The following NHP2 variants were observed in gnomAD, a reference collection of about 807,000 sequenced individuals.
NHP2 encodes the protein H/ACA ribonucleoprotein complex subunit 2.
Under a neutral mutation model 16.7 loss-of-function variants are expected in NHP2, and 10 were observed. The observed-to-expected ratio is 0.60, with a 90% CI of 0.37 to 1.01. The LOEUF is 1.01. Ranked by LOEUF, NHP2 falls within the 50% of genes least tolerant of loss-of-function variation. The pLI is 0.01. For synonymous variants in NHP2, 87 were observed against 78.9 expected (o/e 1.10, Z -0.54); for missense variants, 184 against 198.3 (o/e 0.93, Z 0.43).
intron 3 of NHP2, chr5:178,150,442 A>G: frequency 2.9e-6 from 1 of 346,786 alleles, no homozygotes; most frequent in Admixed American, 3.9e-5. Context: ...GTGGTGGTGT[A>G]TGATCATGGC....
At chr5:178,153,379 C>G in intron 2 of NHP2, 112 bp downstream of exon 2, 1 of 1,074,020 alleles carries the variant, frequency 9.3e-7, no homozygotes, top group East Asian at 2.4e-5. Context: ...GCTTGATTGG[C>G]TTCTGTATAT....
At position 178,153,576 on chromosome 5, in the gene NHP2, A is replaced by C. The variant is rs1263775896; in HGVS notation, c.161-16T>G. On this transcript the variant is annotated splice_polypyrimidine_tract_variant and intron_variant, in intron 1 of 3. Coordinates refer to ENST00000274606, the MANE Select transcript of NHP2 (RefSeq NM_017838.4). Reference sequence around the variant, plus strand: ...TGCTTCACCGCTGCAACGACAGAAGAGTCGGTCGGGGGCCTCGCTCAGCCA... The same window carrying C: ...TGCTTCACCGCTGCAACGACAGAAGCGTCGGTCGGGGGCCTCGCTCAGCCA... 6.2e-7 allele frequency: 1 copy of C among 1,613,736 alleles called. No individual in the cohort carries two copies. Among genetic ancestry groups the C allele is most frequent in the Admixed American group, 1.7e-5 (1 of 60,028 alleles).
At chr5:178,153,623 CG>C in intron 1 of NHP2, 34 bp downstream of exon 1, 1 of 1,613,864 alleles carries the variant, frequency 6.2e-7, no homozygotes, top group South Asian at 1.1e-5. Context: ...ATCCCACCCG[CG>C]CACCCATCCC....
chr5:178,149,810 C>G lies in NHP2; in HGVS notation c.365G>C (p.Arg122Pro), dbSNP rs1383213989. ...TDLGAAAGSK[R>P]PTCVIMVKPH... is the part of the protein sequence containing the mutation. ...CTTGACCATTATCACACAGGTGGGGCGCTTGGAGCCTGCGGCTGCACCCAG... is the reference window on the plus strand; with the variant it reads ...CTTGACCATTATCACACAGGTGGGGGGCTTGGAGCCTGCGGCTGCACCCAG... The change falls in exon 4 of 4, where the codon CGC (arginine) becomes CCC (proline). Residue 122 changes from arginine (R) to proline (P), a missense_variant. Coordinates refer to ENST00000274606, the MANE Select transcript of NHP2 (RefSeq NM_017838.4). The G allele has an allele frequency of 6.2e-7, 1 of 1,613,668 alleles. No homozygotes were observed. The highest frequency in any genetic ancestry group is 1.3e-5 in the African/African-American group (1 of 74,920).
At chr5:178,150,538 C>A in intron 3 of NHP2, 1 of 383,364 alleles carries the variant, frequency 2.6e-6, no homozygotes, top group East Asian at 6.6e-5. Context: ...TGCCACCACA[C>A]CCAGCTAATT....
At chr5:178,150,120 C>T (rs1756228846) in intron 3 of NHP2, 2 of 352,710 alleles carry the variant, frequency 5.7e-6, no homozygotes, top group Non-Finnish European at 5.3e-6. Flanking sequence ...CTTCCTGTGC[C>T]TCAGATCTGG....
In NHP2 at chr5:178,153,483, G is replaced by C. The variant is rs764940566; in HGVS notation, c.230+8C>G. On this transcript the variant is annotated splice_region_variant and intron_variant, in intron 2 of 3. Coordinates refer to ENST00000274606, the MANE Select transcript of NHP2 (RefSeq NM_017838.4). Reference sequence around the variant, plus strand: ...AAATGCAAAATCCAGAGGAAGGAAGGTTCTTACCCTTTTTCTCCTTTGTTG... The same window carrying C: ...AAATGCAAAATCCAGAGGAAGGAAGCTTCTTACCCTTTTTCTCCTTTGTTG... 6.2e-7 allele frequency: 1 copy of C among 1,613,840 alleles called. No individual in the cohort carries two copies. Among genetic ancestry groups the C allele is most frequent in the Non-Finnish European group, 8.5e-7 (1 of 1,179,856 alleles).
chr5:178,149,947 T>G, intron 3 of NHP2, 109 bp from the exon 4 acceptor site: 3 of 1,215,690 alleles, frequency 2.5e-6, no homozygotes, highest in Non-Finnish European at 3.5e-6. Flanking sequence ...CCATGTTCTG[T>G]TCGGTCCATG....
At chr5:178,150,438 G>C (rs920327729) in intron 3 of NHP2, 15 of 348,234 alleles carry the variant, frequency 4.3e-5, no homozygotes, top group Non-Finnish European at 6.8e-5. Context: ...GAGTGTGGTG[G>C]TGTATGATCA....
rs58184119 is a variant in NHP2 at position 178,150,483 on chromosome 5, T to A, written c.336+405A>T. 3,412 of 358,914 alleles carry A rather than the reference T, an allele frequency of 9.5e-3. 122 individuals are homozygous for A. The highest frequency in any genetic ancestry group is 0.065 in the African/African-American group (3,059 of 46,946). The allele number at this position is 358,914 out of a possible 1,614,324, so 22.2% of individuals were successfully genotyped here. ...GCAGCCTTGAACTCCTGGGTTCAAG[T>A]GATCTCCTGCTTTAGCCTCCCAAGT... On this transcript the variant is annotated intron_variant, in intron 3 of 3. Transcript: ENST00000274606.
chr5:178,150,390 T>G (rs1304254238), intron 3 of NHP2: 1 of 267,530 alleles, frequency 3.7e-6, no homozygotes, highest in Non-Finnish European at 7.4e-6. Flanking sequence ...CTCTATTTTT[T>G]TTTTTTGAGA....
In NHP2 at chr5:178,153,647, G is replaced by GTCCGCCTCACCTTT. The variant is rs1756330921; in HGVS notation, c.157_160+10dup. Reference sequence around the variant, plus strand: ...GCGCACCCATCCCGGCCACGCCGCCGTCCGCCTCACCTTTCTTGATGCATT... The same window carrying GTCCGCCTCACCTTT: ...GCGCACCCATCCCGGCCACGCCGCCGTCCGCCTCACCTTTTCCGCCTCACCTTTCTTGATGCATT... On this transcript the variant is annotated intron_variant, in intron 1 of 3. Coordinates refer to ENST00000274606, the MANE Select transcript of NHP2 (RefSeq NM_017838.4). The GTCCGCCTCACCTTT allele has an allele frequency of 6.2e-7, 1 of 1,613,058 alleles. No homozygotes were observed. The highest frequency in any genetic ancestry group is 1.7e-5 in the Admixed American group (1 of 59,928).
intron 3 of NHP2, chr5:178,150,402 A>G: frequency 3.9e-6 from 1 of 255,150 alleles, no homozygotes; most frequent in Non-Finnish European, 7.8e-6. Context: ...TTTTTGAGAC[A>G]GGGCCTCACT....
At chr5:178,151,151 A>C (rs1323196322) in intron 2 of NHP2, among the ~76,000 whole-genome samples, 158 bp from the exon 3 acceptor site, 1 of 152,174 alleles carries the variant, frequency 6.6e-6, no homozygotes, top group Non-Finnish European at 1.5e-5. Context: ...TACAGGTGCC[A>C]CCAAAGTGAT....
chr5:178,150,733 C>T (rs749000936), intron 3 of NHP2, 155 bp downstream of exon 3: 5 of 768,486 alleles, frequency 6.5e-6, no homozygotes, highest in South Asian at 4.1e-5. Context: ...AGTAACATAT[C>T]TGTAGTCCCA....
rs1470375261 is a variant in NHP2, at chr5:178,153,772, C to T, written c.46G>A (p.Glu16Lys). Residue 16 changes from glutamate (E) to lysine (K), a missense_variant, in exon 1 of 4, where the codon GAG becomes AAG. Transcript: ENST00000274606. ...ADPDGPEAQA[E>K]ACSGERTYQE... Reference sequence around the variant, plus strand: ...TAGGTGCGCTCCCCGGAACACGCCTCCGCCTGAGCCTCGGGCCCGTCGGGA... The same window carrying T: ...TAGGTGCGCTCCCCGGAACACGCCTTCGCCTGAGCCTCGGGCCCGTCGGGA... 2 of 1,612,748 alleles carry T rather than the reference C, an allele frequency of 1.2e-6. No homozygotes were observed. The highest frequency in any genetic ancestry group is 3.3e-5 in the Admixed American group (2 of 59,844).
chr5:178,149,984 T>C (rs1429056549), intron 3 of NHP2, 146 bp from the exon 4 acceptor site: 14 of 846,062 alleles, frequency 1.7e-5, no homozygotes, highest in Admixed American at 2.9e-5. Context: ...CTTGAATTGG[T>C]TGCCATCATT....
At position 178,153,556 on chromosome 5, in the gene NHP2, C is replaced by T; in HGVS notation, c.165G>A (p.Val55=). The T allele has an allele frequency of 1.9e-6, 3 of 1,614,236 alleles. No individual in the cohort carries two copies. Among genetic ancestry groups the T allele is most frequent in the East Asian group, 2.2e-5 (1 of 44,880 alleles). ...CCCCGCGCCGAATCTGCTTCTGCTTCACCGCTGCAACGACAGAAGAGTCGG... is the reference window on the plus strand; with the variant it reads ...CCCCGCGCCGAATCTGCTTCTGCTTTACCGCTGCAACGACAGAAGAGTCGG... ...RKLYKCIKKA[V]KQKQIRRGVK... is the part of the protein sequence containing the mutation. The change falls in exon 2 of 4, where the codon GTG becomes GTA. Residue 55 remains valine, a synonymous_variant. Transcript: ENST00000274606.
rs1756333088 is a variant in NHP2, at chr5:178,153,698, A to G, written c.120T>C (p.Ser40=). 2.5e-6 allele frequency: 4 copies of G among 1,614,006 alleles called. No individual in the cohort carries two copies. The highest frequency in any genetic ancestry group is 3.4e-6 in the Non-Finnish European group (4 of 1,179,942). ...NQNPIAQPLA[S]RRLTRKLYKC... is the part of the protein sequence containing the mutation. Reference sequence around the variant, plus strand: ...TGTAGAGCTTCCGCGTGAGGCGGCGAGAAGCCAGGGGCTGCGCGATGGGGT... The same window carrying G: ...TGTAGAGCTTCCGCGTGAGGCGGCGGGAAGCCAGGGGCTGCGCGATGGGGT... The change falls in exon 1 of 4, where the codon TCT becomes TCC. Residue 40 remains serine (S), a synonymous_variant. Transcript: ENST00000274606.
Sources: gnomAD v4.1 joint callset for allele counts (sites outside exome capture counted in the v4.1 genomes callset) on GRCh38, gnomAD v4.1.1 for gene constraint, MANE v1.5 for transcripts, NCBI Gene and HGNC (gene_info 2026-07-23, HGNC 2026-07-21) for gene names.